The following PARG variants were observed in gnomAD, a reference collection of about 807,000 sequenced individuals.
PARG encodes the protein poly(ADP-ribose) glycohydrolase, also known as mitochondrial poly(ADP-ribose) glycohydrolase.
In PARG, 35 loss-of-function variants were observed where a neutral mutation model predicts 113.0. That is an observed-to-expected ratio of 0.31 (90% CI 0.24 to 0.41). The LOEUF is 0.41. PARG is among the 10% of genes least tolerant of loss of function. The pLI, the probability that PARG is intolerant of heterozygous loss-of-function variation, is 1.00. For synonymous variants in PARG, 330 were observed against 409.9 expected (o/e 0.81, Z 2.36); for missense variants, 797 against 1,169.4 (o/e 0.68, Z 4.64).
At chr10:49,826,516 T>G (rs1394502410) in intron 16 of PARG, among the ~76,000 whole-genome samples, 1 of 152,198 alleles carries the variant, frequency 6.6e-6, no homozygotes, top group African/African-American at 2.4e-5. Context: ...TTTCTGGAGT[T>G]TAACTATCTT....
intron 4 of PARG, among the ~76,000 whole-genome samples, chr10:49,928,029 T>TG (rs1415114356): frequency 6.6e-6 from 1 of 151,022 alleles, no homozygotes; most frequent in Admixed American, 6.6e-5. Flanking sequence ...CCCAGCACAT[T>TG]GGGGGGCCCA....
Position 49,832,922 on chromosome 10 carries a change from G to A in PARG, c.2542-14C>T, listed in dbSNP as rs782602800. On this transcript the variant is annotated splice_polypyrimidine_tract_variant and intron_variant, in intron 15 of 17. Coordinates refer to ENST00000616448, the MANE Select transcript of PARG (RefSeq NM_003631.5). ...TCCACAGTAAGCCTGCAGGATAAAA[G>A]AATTATCAAAGCCTGTGAGTGCCTA... 4 of 1,437,252 alleles carry A rather than the reference G, an allele frequency of 2.8e-6. No homozygotes were observed. The South Asian group carries it at 3.7e-5, about 13-fold the overall frequency. 89.0% of individuals were successfully genotyped at this position (1,437,252 alleles called of 1,614,324 possible).
At chr10:49,877,090 G>A (rs1404514400) in intron 9 of PARG, among the ~76,000 whole-genome samples, 10 of 150,146 alleles carry the variant, frequency 6.7e-5, no homozygotes, top group Non-Finnish European at 1.2e-4. Context: ...ATATTTTAAT[G>A]TTTGAAGGTC....
chr10:49,941,844 C>A lies in PARG; in HGVS notation c.-119G>T, dbSNP rs1447181224. Reference sequence around the variant, plus strand: ...GCCTGCCTGCACCATTCCCTCTCTGCCGCTGCCTGCTTCTGCAATTGCTGA... The same window carrying A: ...GCCTGCCTGCACCATTCCCTCTCTGACGCTGCCTGCTTCTGCAATTGCTGA... On this transcript the variant is annotated 5_prime_UTR_variant, in exon 1 of 18. Transcript: ENST00000616448. 6.6e-7 allele frequency: 1 copy of A among 1,520,342 alleles called. No individual in the cohort carries two copies. The highest frequency in any genetic ancestry group is 8.8e-7 in the Non-Finnish European group (1 of 1,133,062). The allele number at this position is 1,520,342 out of a possible 1,614,324, so 94.2% of individuals were successfully genotyped here. A position where few individuals can be genotyped will look rare whatever the true frequency, so the allele number is the denominator to read the frequency against.
intron 16 of PARG, among the ~76,000 whole-genome samples, chr10:49,827,516 C>G (rs144518927): frequency 6.6e-6 from 1 of 152,040 alleles, no homozygotes; most frequent in Non-Finnish European, 1.5e-5. Context: ...CCCTCTTTTC[C>G]GCTTACCACT....
At chr10:49,862,957 T>G (rs1846325668) in intron 11 of PARG, among the ~76,000 whole-genome samples, 1 of 147,308 alleles carries the variant, frequency 6.8e-6, no homozygotes, top group South Asian at 2.2e-4. Flanking sequence ...CAGTCAGGAC[T>G]TCAGAATGGG....
At chr10:49,838,333 A>T (rs376740456) in intron 15 of PARG, among the ~76,000 whole-genome samples, 1 of 146,034 alleles carries the variant, frequency 6.8e-6, no homozygotes, top group Non-Finnish European at 1.5e-5. Context: ...CAGGAGGCTG[A>T]GGCAGGAGAA....
At chr10:49,915,866 T>C in intron 7 of PARG, 51 bp downstream of exon 7, 2 of 942,774 alleles carry the variant, frequency 2.1e-6, no homozygotes, top group Non-Finnish European at 3.4e-6. Flanking sequence ...TCTCAAACCT[T>C]CTTATTGAGT....
chr10:49,881,438 T>C (rs1847209363), intron 8 of PARG, among the ~76,000 whole-genome samples: 1 of 152,238 alleles, frequency 6.6e-6, no homozygotes, highest in African/African-American at 2.4e-5. Context: ...CAACTACCAG[T>C]TTATCCTTCA....
chr10:49,829,599 G>C (rs1224443290), intron 16 of PARG, among the ~76,000 whole-genome samples: 1 of 151,914 alleles, frequency 6.6e-6, no homozygotes, highest in East Asian at 1.9e-4. Flanking sequence ...CACAACACCA[G>C]CCTAGGCAAC....
chr10:49,822,533 C>G (rs2132346998), intron 16 of PARG, among the ~76,000 whole-genome samples: 1 of 152,268 alleles, frequency 6.6e-6, no homozygotes, highest in South Asian at 2.1e-4. Flanking sequence ...CAGGAGAAAG[C>G]CAAAGACTAA....
chr10:49,823,182 T>C (rs1273508047), intron 16 of PARG, among the ~76,000 whole-genome samples: 2 of 152,206 alleles, frequency 1.3e-5, no homozygotes, highest in Non-Finnish European at 2.9e-5. Flanking sequence ...GGGCATAGTA[T>C]ATGTAAGTTA....
chr10:49,941,717 C>T lies in PARG; in HGVS notation c.9G>A (p.Ala3=), dbSNP rs1400324548. The change falls in exon 1 of 18, where the codon GCG becomes GCA. Residue 3 remains alanine, a synonymous_variant. Transcript: ENST00000616448. ...TGGTGCAGGGTTCACAGCCGGGGCC[C>T]GCATTCATGCTGGGACCAGCAGCGC... MN[A]GPGCEPCTKR... is the part of the protein sequence containing the mutation. 87 of 1,575,656 alleles carry T rather than the reference C, an allele frequency of 5.5e-5. No homozygotes were observed. The African/African-American group carries it at 1.0e-3, about 19-fold the overall frequency.
intron 1 of PARG, among the ~76,000 whole-genome samples, chr10:49,938,846 T>C (rs1838878741): frequency 6.6e-6 from 1 of 152,154 alleles, no homozygotes; most frequent in Non-Finnish European, 1.5e-5. Context: ...AAGATAATTA[T>C]ATATAAAAAT....
At chr10:49,939,669 T>C (rs1444482738) in intron 1 of PARG, among the ~76,000 whole-genome samples, 1 of 152,240 alleles carries the variant, frequency 6.6e-6, no homozygotes, top group Non-Finnish European at 1.5e-5. Flanking sequence ...AGCTCCTGTC[T>C]GCCACCCAGC....
chr10:49,842,419 C>T (rs1220165299), intron 14 of PARG, among the ~76,000 whole-genome samples: 1 of 152,152 alleles, frequency 6.6e-6, no homozygotes, highest in African/African-American at 2.4e-5. Flanking sequence ...CCACTTGCAT[C>T]CTGACAAAGC....
intron 9 of PARG, among the ~76,000 whole-genome samples, chr10:49,878,604 TGAA>T (rs1554838820): frequency 7.8e-6 from 1 of 128,798 alleles, no homozygotes; most frequent in African/African-American, 2.8e-5. Context: ...GGCAACAGAG[TGAA>T]GCTCCGTCTT....
chr10:49,903,695 T>A (rs1334711378), intron 7 of PARG, among the ~76,000 whole-genome samples: 2 of 151,592 alleles, frequency 1.3e-5, no homozygotes, highest in Non-Finnish European at 2.9e-5. Context: ...AAAACTGAGC[T>A]GAGTCTTGAA....
Position 49,819,469 on chromosome 10 carries a change from T to C in PARG, c.2802A>G (p.Arg934=). ...AGTTTCTGCATTCTTCATTGTAGTATCGTAGCAACAGCTTATACACATCTC... is the reference window on the plus strand; with the variant it reads ...AGTTTCTGCATTCTTCATTGTAGTACCGTAGCAACAGCTTATACACATCTC... ...TVGDVYKLLL[R]YYNEECRNCS... is the part of the protein sequence containing the mutation. Residue 934 remains arginine, a synonymous_variant, in exon 18 of 18, where the codon CGA becomes CGG. Coordinates refer to ENST00000616448, the MANE Select transcript of PARG (RefSeq NM_003631.5). 3.0e-5 allele frequency: 46 copies of C among 1,551,452 alleles called. No homozygotes were observed. Among genetic ancestry groups the C allele is most frequent in the Non-Finnish European group, 4.0e-5 (46 of 1,146,758 alleles).
Sources: allele counts gnomAD v4.1 joint callset (sites outside exome capture counted in the v4.1 genomes callset), GRCh38; gene constraint gnomAD v4.1.1; transcripts MANE v1.5; gene names NCBI Gene and HGNC (gene_info 2026-07-23, HGNC 2026-07-21).